The following PLA2G6 variants were observed in gnomAD, a reference collection of about 807,000 sequenced individuals.
PLA2G6 encodes 85/88 kDa calcium-independent phospholipase A2.
A neutral mutation model predicts 83.8 loss-of-function variants in PLA2G6; 62 were observed. That is an observed-to-expected ratio of 0.74 (90% confidence interval 0.60 to 0.91). PLA2G6 has a LOEUF of 0.91. PLA2G6 is among the 40% of genes least tolerant of loss of function. The pLI is 0.00. For missense variants in PLA2G6, 944 were observed against 1,102.0 expected, an observed-to-expected ratio of 0.86 and a Z score of 2.03; for synonymous variants, 417 against 449.8, an observed-to-expected ratio of 0.93 and a Z score of 0.92.
At chr22:38,147,736 G>A (rs1029324805) in intron 2 of PLA2G6, 1 of 151,972 alleles carries the variant, frequency 6.6e-6, no homozygotes, top group Non-Finnish European at 1.5e-5. Context: ...ATTTTTAGTA[G>A]GCACAGGGTT....
At chr22:38,126,697 C>A in intron 9 of PLA2G6, 1 of 525,318 alleles carries the variant, frequency 1.9e-6, no homozygotes. Context: ...GGGCTCCCCA[C>A]CCTGCCCAGC....
chr22:38,115,471 C>T lies in PLA2G6; in HGVS notation c.2034+56G>A, dbSNP rs564126033. On this transcript the variant is annotated intron_variant, in intron 14 of 16. Coordinates refer to ENST00000332509, the MANE Select transcript of PLA2G6 (RefSeq NM_003560.4). ...GTCGGTCCCTAGCATGGTTTGCTGA[C>T]ACAGGATTGGCTCCAGGGAGCAGTG... 13 of 1,554,038 alleles carry T rather than the reference C, an allele frequency of 8.4e-6. No homozygotes were observed. In the South Asian group the frequency reaches 1.2e-4, roughly 15 times the overall value.
chr22:38,152,957 C>A (rs132949), intron 2 of PLA2G6, among the ~76,000 whole-genome samples: 27,674 of 151,840 alleles, frequency 0.18, 2,815 homozygotes, highest in East Asian at 0.44. Flanking sequence ...AGGAAGACGT[C>A]CTCCTGCGGG....
intron 6 of PLA2G6, chr22:38,134,160 C>G (rs571735834): frequency 1.3e-5 from 2 of 152,498 alleles, no homozygotes; most frequent in African/African-American, 4.8e-5. Flanking sequence ...CCTCAAACAT[C>G]AGACTCCAAG....
chr22:38,166,621 C>T (rs541685161), intron 2 of PLA2G6, among the ~76,000 whole-genome samples: 4 of 152,004 alleles, frequency 2.6e-5, no homozygotes, highest in South Asian at 2.1e-4. Flanking sequence ...CTCAGCTACT[C>T]GGGAGGCTGA....
chr22:38,115,793 G>A, intron 13 of PLA2G6, 112 bp from the exon 14 acceptor site: 2 of 1,489,300 alleles, frequency 1.3e-6, no homozygotes, highest in Non-Finnish European at 1.8e-6. Context: ...GAAGAGGGGA[G>A]GCTGGGAACT....
intron 3 of PLA2G6, chr22:38,145,031 C>CT: frequency 7.0e-6 from 2 of 285,526 alleles, no homozygotes; most frequent in South Asian, 2.8e-5. Flanking sequence ...CAACGCAGCA[C>CT]CTTTTTTTTT....
chr22:38,112,658 G>A (rs1224631466), intron 15 of PLA2G6, 81 bp from the exon 16 acceptor site: 22 of 1,223,410 alleles, frequency 1.8e-5, no homozygotes, highest in African/African-American at 3.0e-5. Flanking sequence ...CTGCACTCTC[G>A]GAGCCCCAGC....
chr22:38,150,067 A>AAC (rs1556042216), intron 2 of PLA2G6: 1 of 151,390 alleles, frequency 6.6e-6, no homozygotes, highest in Non-Finnish European at 1.5e-5. Flanking sequence ...AAAAAAAAAA[A>AAC]ACACATAGAA....
chr22:38,181,160 G>GA (rs2090831868), intron 1 of PLA2G6, among the ~76,000 whole-genome samples: 1 of 152,148 alleles, frequency 6.6e-6, no homozygotes, highest in Non-Finnish European at 1.5e-5. Flanking sequence ...GTGGGAGCAG[G>GA]AGGTGGACAC....
rs2087975750 is a variant in PLA2G6 at position 38,128,059 on chromosome 22, C to A, written c.1348+210G>T. The A allele has an allele frequency of 1.5e-5, 9 of 595,740 alleles. No individual in the cohort carries two copies. In the South Asian group the frequency reaches 1.8e-4, roughly 12 times the overall value. The allele number at this position is 595,740 out of a possible 1,614,324, so 36.9% of individuals were successfully genotyped here. A position where few individuals can be genotyped will look rare whatever the true frequency, so the allele number is the denominator to read the frequency against. On this transcript the variant is annotated intron_variant, in intron 9 of 16. Transcript: ENST00000332509. The surrounding 1 kb of genome is among the most constrained non-coding windows in gnomAD (Gnocchi z 4.4). ...TGTGCAGGACACATCCTCTCAGGGG[C>A]AACGGAGCATGGGACATCAGCCAGG...
chr22:38,162,857 G>A (rs2090072987), intron 2 of PLA2G6, among the ~76,000 whole-genome samples: 1 of 152,142 alleles, frequency 6.6e-6, no homozygotes. Context: ...GTCCTTCAAG[G>A]AGAGCCAGGT....
chr22:38,155,867 T>A (rs561928906), intron 2 of PLA2G6, among the ~76,000 whole-genome samples: 63 of 152,212 alleles, frequency 4.1e-4, no homozygotes, highest in African/African-American at 1.5e-3. Context: ...AACTCTCCAA[T>A]CAAAAGACAC....
chr22:38,179,288 C>G (rs1174312468), intron 1 of PLA2G6, among the ~76,000 whole-genome samples: 1 of 152,144 alleles, frequency 6.6e-6, no homozygotes, highest in East Asian at 1.9e-4. Context: ...TGCAAAGAAA[C>G]AACATTTTAA....
chr22:38,169,614 G>T, intron 1 of PLA2G6, 143 bp from the exon 2 acceptor site: 1 of 632,036 alleles, frequency 1.6e-6, no homozygotes, highest in Non-Finnish European at 2.9e-6. Flanking sequence ...ATCTTAAAAG[G>T]AGGGGAAAGA....
At chr22:38,113,355 CA>C in intron 15 of PLA2G6, 131 bp downstream of exon 15, 5 of 886,730 alleles carry the variant, frequency 5.6e-6, no homozygotes, top group Non-Finnish European at 9.4e-6. Context: ...TCTCTCCCTC[CA>C]GCTGGCTAAA....
At chr22:38,151,634 G>A (rs976815602) in intron 2 of PLA2G6, among the ~76,000 whole-genome samples, 1 of 152,186 alleles carries the variant, frequency 6.6e-6, no homozygotes, top group African/African-American at 2.4e-5. Flanking sequence ...TAAATATGTG[G>A]GGGGATCTAA....
At chr22:38,165,367 G>A (rs2090174488) in intron 2 of PLA2G6, among the ~76,000 whole-genome samples, 1 of 152,166 alleles carries the variant, frequency 6.6e-6, no homozygotes, top group Non-Finnish European at 1.5e-5. Flanking sequence ...AGGGACGGGT[G>A]CCATGGGATG....
At chr22:38,125,196 A>G (rs913692829) in intron 10 of PLA2G6, among the ~76,000 whole-genome samples, 3 of 151,684 alleles carry the variant, frequency 2.0e-5, no homozygotes, top group Admixed American at 6.6e-5. Context: ...GCGCATGTGT[A>G]TGTGTGTGCA....
Sources: gnomAD v4.1 joint callset for allele counts (sites outside exome capture counted in the v4.1 genomes callset) on GRCh38, gnomAD v4.1.1 for gene constraint, Gnocchi (gnomAD v3.1) non-coding constraint, MANE v1.5 for transcripts, NCBI Gene and HGNC (gene_info 2026-07-23, HGNC 2026-07-21) for gene names.